KCNT2: variants seen among roughly 807,000 people sequenced by gnomAD.
The protein encoded by KCNT2 is potassium sodium-activated channel subfamily T member 2, also known as potassium channel subfamily T member 2.
In KCNT2, 67 loss-of-function variants were observed where a neutral mutation model predicts 153.8. The ratio of observed to expected loss-of-function variants is 0.44; its 90% CI spans 0.36 to 0.53. KCNT2 has a LOEUF of 0.53. Ranked by LOEUF, KCNT2 falls within the 20% of genes least tolerant of loss-of-function variation. The pLI is 0.00. For missense variants in KCNT2, 975 were observed against 1,354.8 expected (o/e 0.72, Z 4.40); for synonymous variants, 500 against 458.8 (o/e 1.09, Z -1.15).
chr1:196,595,249 A>T (rs1663903321), intron 1 of KCNT2, among the ~76,000 whole-genome samples: 1 of 152,102 alleles, frequency 6.6e-6, no homozygotes, highest in Non-Finnish European at 1.5e-5. Flanking sequence ...AATTATATTG[A>T]TATTAATGAA....
chr1:196,487,160 A>C (rs1679488984), intron 3 of KCNT2, among the ~76,000 whole-genome samples: 2 of 151,954 alleles, frequency 1.3e-5, no homozygotes, highest in African/African-American at 4.8e-5. Context: ...GTCACTCTTC[A>C]GTCAACTACA....
intron 1 of KCNT2, among the ~76,000 whole-genome samples, chr1:196,517,304 T>C (rs1351487348): frequency 1.3e-5 from 2 of 152,070 alleles, no homozygotes; most frequent in African/African-American, 2.4e-5. Flanking sequence ...TAAAGCAATA[T>C]CCACACACAG....
rs1669488634 is a variant in KCNT2, at chr1:196,381,500, G to GAC, written c.1295-8253_1295-8252insGT. ...TTATTAAACCTCTCAAAAGTTCTATGATATATATTGTGTTAAGTAGTTTTC... is the reference window on the plus strand; with the variant it reads ...TTATTAAACCTCTCAAAAGTTCTATGACATATATATTGTGTTAAGTAGTTTTC... On this transcript the variant is annotated intron_variant, in intron 13 of 27. Coordinates refer to ENST00000294725, the MANE Select transcript of KCNT2 (RefSeq NM_198503.5). Among the ~76,000 whole-genome samples the GAC allele has an allele frequency of 2.6e-5, 4 of 151,974 alleles. No homozygotes were observed. In the South Asian group the frequency reaches 8.3e-4, roughly 32 times the overall value.
At chr1:196,579,574 A>T (rs1200307240) in intron 1 of KCNT2, among the ~76,000 whole-genome samples, 3 of 151,634 alleles carry the variant, frequency 2.0e-5, no homozygotes, top group Non-Finnish European at 4.4e-5. Flanking sequence ...GCTCACTGCA[A>T]CCTCCTCCTC....
intron 8 of KCNT2, among the ~76,000 whole-genome samples, chr1:196,459,804 C>A (rs1439604246): frequency 2.6e-5 from 4 of 151,746 alleles, no homozygotes; most frequent in African/African-American, 9.7e-5. Context: ...CTGTAAATGA[C>A]CACATTTGAA....
intron 14 of KCNT2, among the ~76,000 whole-genome samples, chr1:196,361,363 A>C (rs1172073455): frequency 1.3e-5 from 2 of 152,026 alleles, no homozygotes; most frequent in African/African-American, 4.8e-5. Context: ...GAGCCTAAGG[A>C]GACACCAGAA....
intron 13 of KCNT2, among the ~76,000 whole-genome samples, chr1:196,380,900 A>G (rs1669425513): frequency 6.6e-6 from 1 of 152,178 alleles, no homozygotes; most frequent in Non-Finnish European, 1.5e-5. Context: ...TCGTGTGTGC[A>G]TGCGTGCGCG....
At chr1:196,479,087 T>C in intron 5 of KCNT2, 92 bp downstream of exon 5, 1 of 821,282 alleles carries the variant, frequency 1.2e-6, no homozygotes, top group Non-Finnish European at 2.0e-6. Context: ...GAGTCAGCCT[T>C]ACCTTCCAGT....
intron 8 of KCNT2, among the ~76,000 whole-genome samples, chr1:196,437,238 A>T (rs1674781479): frequency 8.7e-6 from 1 of 114,882 alleles, no homozygotes; most frequent in South Asian, 3.1e-4. Context: ...GCTTATATAT[A>T]TATATATTTA....
chr1:196,359,959 A>T (rs1181255674), intron 14 of KCNT2, among the ~76,000 whole-genome samples: 1 of 152,074 alleles, frequency 6.6e-6, no homozygotes, highest in Non-Finnish European at 1.5e-5. Flanking sequence ...ATCTAATTTA[A>T]TAATGAATGC....
chr1:196,522,799 G>T (rs959830655), intron 1 of KCNT2, among the ~76,000 whole-genome samples: 6 of 152,048 alleles, frequency 3.9e-5, no homozygotes, highest in Non-Finnish European at 7.4e-5. Context: ...GCACTAATCA[G>T]CATGTTGTGT....
chr1:196,257,501 T>C (rs570902725), intron 26 of KCNT2: 1 of 976,084 alleles, frequency 1.0e-6, no homozygotes, highest in Non-Finnish European at 1.2e-6. Context: ...TTGTTTATCA[T>C]TTGGTTTTCC....
intron 1 of KCNT2, among the ~76,000 whole-genome samples, chr1:196,506,057 T>A (rs1681111615): frequency 1.3e-5 from 2 of 152,192 alleles, no homozygotes; most frequent in Non-Finnish European, 2.9e-5. Flanking sequence ...CCTCTTTTCC[T>A]AATTGCAAAT....
At chr1:196,286,366 A>T (rs1659656906) in intron 22 of KCNT2, among the ~76,000 whole-genome samples, 1 of 152,068 alleles carries the variant, frequency 6.6e-6, no homozygotes, top group Non-Finnish European at 1.5e-5. Flanking sequence ...TGAACTAGGA[A>T]ATGGGCCCTC....
chr1:196,284,005 C>T (rs1179152792), intron 23 of KCNT2, among the ~76,000 whole-genome samples: 2 of 150,986 alleles, frequency 1.3e-5, no homozygotes, highest in African/African-American at 4.8e-5. Context: ...CCAAGGTTGG[C>T]CGATCACCTG....
chr1:196,277,826 T>C (rs1369172543), intron 25 of KCNT2, among the ~76,000 whole-genome samples: 1 of 152,166 alleles, frequency 6.6e-6, no homozygotes, highest in East Asian at 1.9e-4. Context: ...TAAGCTCTTA[T>C]TCTGCGTTTT....
intron 8 of KCNT2, among the ~76,000 whole-genome samples, chr1:196,435,791 G>T (rs1182340449): frequency 6.6e-6 from 1 of 151,588 alleles, no homozygotes; most frequent in East Asian, 1.9e-4. Flanking sequence ...CCTGTAATAG[G>T]TATACAATCT....
Position 196,605,132 on chromosome 1 carries a change from A to G in KCNT2, c.95+3083T>C, listed in dbSNP as rs181497460. Among the ~76,000 whole-genome samples, 4 of 152,368 alleles carry G rather than the reference A, an allele frequency of 2.6e-5. No homozygotes were observed. In the East Asian group the frequency reaches 5.8e-4, roughly 22 times the overall value. The stretch of plus-strand genomic sequence containing the variant: ...GTGAGGAACAAGGTAGAAAGTGTTT[A>G]TACTCCTACATTTGGAACACAATTC... On this transcript the variant is annotated intron_variant, in intron 1 of 27. Coordinates refer to ENST00000294725, the MANE Select transcript of KCNT2 (RefSeq NM_198503.5).
At chr1:196,411,116 T>C (rs946575314) in intron 12 of KCNT2, among the ~76,000 whole-genome samples, 1 of 91,062 alleles carries the variant, frequency 1.1e-5, no homozygotes, top group African/African-American at 3.5e-5. Context: ...CTTCCTTCCT[T>C]CCTTCCTCCC....
Sources: gnomAD v4.1 joint callset for allele counts (sites outside exome capture counted in the v4.1 genomes callset) on GRCh38, gnomAD v4.1.1 for gene constraint, MANE v1.5 for transcripts, NCBI Gene and HGNC (gene_info 2026-07-23, HGNC 2026-07-21) for gene names.